Variants in DPY19L3 observed in about 807,000 individuals in gnomAD.
The protein encoded by DPY19L3 is protein C-mannosyl-transferase DPY19L3.
In DPY19L3, 51 loss-of-function variants were observed where a neutral mutation model predicts 92.3. The ratio of observed to expected loss-of-function variants is 0.55; its 90% CI spans 0.44 to 0.70. DPY19L3 has a LOEUF of 0.70. Among genes scored for constraint, DPY19L3 ranks in the 30% least tolerant of loss-of-function variants. DPY19L3 has a pLI of 0.00. For missense variants in DPY19L3, 706 were observed against 855.9 expected (o/e 0.82, Z 2.18); for synonymous variants, 309 against 315.2 (o/e 0.98, Z 0.21).
chr19:32,481,273 T>A (rs915820129), intron 18 of DPY19L3: 1 of 151,998 alleles, frequency 6.6e-6, no homozygotes, highest in Admixed American at 6.6e-5. Flanking sequence ...AAAAAAAAAA[T>A]CTTGACTGTA....
At chr19:32,473,683 G>C (rs2145626240) in intron 16 of DPY19L3, among the ~76,000 whole-genome samples, 1 of 152,362 alleles carries the variant, frequency 6.6e-6, no homozygotes, top group Middle Eastern at 3.4e-3. Context: ...GGAAGTAGCA[G>C]TGATATTTCC....
At chr19:32,461,332 G>A (rs1164036736) in intron 12 of DPY19L3, among the ~76,000 whole-genome samples, 1 of 152,222 alleles carries the variant, frequency 6.6e-6, no homozygotes, top group Non-Finnish European at 1.5e-5. Context: ...TTAGTGTGAG[G>A]GGTACATCTG....
At chr19:32,452,860 AT>A (rs55722260) in intron 8 of DPY19L3, among the ~76,000 whole-genome samples, 55,559 of 139,296 alleles carry the variant, frequency 0.4, 11,050 homozygotes, top group Non-Finnish European at 0.5. Context: ...CGCCTAGCTA[AT>A]TTTTTTTTTT....
intron 13 of DPY19L3, 109 bp downstream of exon 13, chr19:32,463,597 A>G (rs143939308): frequency 4.2e-4 from 565 of 1,329,578 alleles, no homozygotes; most frequent in Middle Eastern, 1.9e-3. Flanking sequence ...CATGGTTCCC[A>G]TAAAATCATC....
intron 3 of DPY19L3, among the ~76,000 whole-genome samples, chr19:32,423,739 G>T (rs1968660651): frequency 6.6e-6 from 1 of 152,152 alleles, no homozygotes; most frequent in Non-Finnish European, 1.5e-5. Context: ...GGCTGACTGG[G>T]CACAGTGGCT....
At chr19:32,481,883 T>C (rs1389226114) in intron 18 of DPY19L3, 196 bp from the exon 19 acceptor site, 1 of 604,920 alleles carries the variant, frequency 1.7e-6, no homozygotes, top group Admixed American at 3.1e-5. Context: ...TGCACTCTCC[T>C]TCTCAGCCTT....
intron 15 of DPY19L3, chr19:32,468,068 T>C: frequency 1.0e-6 from 1 of 985,162 alleles, no homozygotes; most frequent in Non-Finnish European, 1.2e-6. Flanking sequence ...AAAAATACAA[T>C]CATGCTATTT....
intron 3 of DPY19L3, 123 bp from the exon 4 acceptor site, chr19:32,432,593 T>C: frequency 1.3e-6 from 1 of 753,544 alleles, no homozygotes; most frequent in Non-Finnish European, 2.1e-6. Flanking sequence ...CCAAGATTTT[T>C]TGAGACTATA....
Position 32,480,951 on chromosome 19 carries a change from C to T in DPY19L3, c.1989+394C>T, listed in dbSNP as rs1970655597. 9.6e-6 allele frequency: 4 copies of T among 416,962 alleles called. No individual in the cohort carries two copies. The East Asian group carries it at 1.4e-4, about 15-fold the overall frequency. The allele number at this position is 416,962 out of a possible 1,614,324, so 25.8% of individuals were successfully genotyped here. ...GCTGCATGGCAGGGATGGTGGGGCC[C>T]TCCTGCCCTCCGGTCTAGGTGGTGG... On this transcript the variant is annotated intron_variant, in intron 18 of 18. Transcript: ENST00000392250.
chr19:32,443,473 G>A (rs1012204831), intron 8 of DPY19L3, among the ~76,000 whole-genome samples: 1 of 152,094 alleles, frequency 6.6e-6, no homozygotes, highest in Non-Finnish European at 1.5e-5. Flanking sequence ...AGGCACAAGG[G>A]AGCTGTTTCA....
chr19:32,430,791 C>CT lies in DPY19L3; in HGVS notation c.238-1908dup, dbSNP rs11296711. On this transcript the variant is annotated intron_variant, in intron 3 of 18. Coordinates refer to ENST00000392250, the MANE Select transcript of DPY19L3 (RefSeq NM_001172774.2). Reference sequence around the variant, plus strand: ...AGGTGCATGCCACTATGCCTGGCTACTTTTTTTTTTTTTTTTTGTAGAGAC... The same window carrying CT: ...AGGTGCATGCCACTATGCCTGGCTACTTTTTTTTTTTTTTTTTTGTAGAGAC... Among the ~76,000 whole-genome samples, 810 of 125,802 alleles carry CT rather than the reference C, an allele frequency of 6.4e-3. 10 individuals carry two copies. Among genetic ancestry groups the CT allele is most frequent in the African/African-American group, 0.022 (736 of 34,056 alleles). 82.5% of individuals were successfully genotyped at this position (125,802 alleles called of 152,430 possible).
chr19:32,421,542 C>T (rs1239066204), intron 3 of DPY19L3, among the ~76,000 whole-genome samples: 2 of 151,042 alleles, frequency 1.3e-5, no homozygotes, highest in African/African-American at 2.4e-5. Context: ...GCAGGAGAAT[C>T]GCTTGAACCT....
rs138138719 is a variant in DPY19L3 at position 32,420,111 on chromosome 19, G to C, written c.237+8739G>C. Among the ~76,000 whole-genome samples the C allele has an allele frequency of 1.9e-3, 284 of 152,212 alleles. 6 individuals are homozygous for C. The East Asian group carries it at 0.051, about 27-fold the overall frequency. On this transcript the variant is annotated intron_variant, in intron 3 of 18. Transcript: ENST00000392250. Reference sequence around the variant, plus strand: ...TTGACCTCATGATCCGCCCGCCTCAGCCTCCCAAAGTGCTGGGATTACAGG... The same window carrying C: ...TTGACCTCATGATCCGCCCGCCTCACCCTCCCAAAGTGCTGGGATTACAGG...
intron 12 of DPY19L3, 56 bp from the exon 13 acceptor site, chr19:32,463,310 G>T: frequency 6.3e-7 from 1 of 1,585,994 alleles, no homozygotes; most frequent in Non-Finnish European, 8.6e-7. Context: ...CTTTTACAAA[G>T]ATCTAACTAA....
At chr19:32,474,330 C>T (rs1970440908) in intron 16 of DPY19L3, among the ~76,000 whole-genome samples, 1 of 152,150 alleles carries the variant, frequency 6.6e-6, no homozygotes, top group Non-Finnish European at 1.5e-5. Context: ...TTCTTTCATT[C>T]CCCTGAGCAG....
chr19:32,459,829 T>G (rs1046963355), intron 12 of DPY19L3, among the ~76,000 whole-genome samples: 2 of 152,214 alleles, frequency 1.3e-5, no homozygotes, highest in African/African-American at 4.8e-5. Context: ...GGAAAAGCAC[T>G]ACATGAAAGT....
chr19:32,424,480 A>C (rs758097512), intron 3 of DPY19L3, among the ~76,000 whole-genome samples: 1 of 151,992 alleles, frequency 6.6e-6, no homozygotes, highest in Non-Finnish European at 1.5e-5. Context: ...CAAAAAAAAA[A>C]ATTAGCCAGG....
At chr19:32,463,307 A>T in intron 12 of DPY19L3, 59 bp from the exon 13 acceptor site, 1 of 1,579,990 alleles carries the variant, frequency 6.3e-7, no homozygotes, top group Non-Finnish European at 8.7e-7. Context: ...CTTCTTTTAC[A>T]AAGATCTAAC....
At chr19:32,425,779 TTTG>T (rs1191502320) in intron 3 of DPY19L3, among the ~76,000 whole-genome samples, 1 of 152,116 alleles carries the variant, frequency 6.6e-6, no homozygotes, top group Non-Finnish European at 1.5e-5. Flanking sequence ...TCATCCAGGT[TTTG>T]TTGTCCATCT....
Sources: allele counts gnomAD v4.1 joint callset (sites outside exome capture counted in the v4.1 genomes callset), GRCh38; gene constraint gnomAD v4.1.1; transcripts MANE v1.5; gene names NCBI Gene and HGNC (gene_info 2026-07-23, HGNC 2026-07-21).